The following HDAC8 variants were observed in gnomAD, a reference collection of about 807,000 sequenced individuals.
The protein encoded by HDAC8 is histone deacetylase 8.
HDAC8 carries 1 observed loss-of-function variant against 32.2 expected under a neutral mutation model. The ratio of observed to expected loss-of-function variants is 0.03; its 90% CI spans 0.01 to 0.15. The LOEUF (loss-of-function observed/expected upper bound fraction) is 0.15, where lower values mean the gene tolerates loss of function less well. Ranked by LOEUF, HDAC8 falls within the 10% of genes least tolerant of loss-of-function variation. HDAC8 has a pLI of 1.00. For synonymous variants in HDAC8, 108 were observed against 113.9 expected (o/e 0.95, Z 0.33); for missense variants, 117 against 300.0 (o/e 0.39, Z 4.51).
chrX:72,383,337 T>A (rs1406573344), intron 9 of HDAC8, among the ~76,000 whole-genome samples: 2 of 112,270 alleles, frequency 1.8e-5, no homozygotes, highest in African/African-American at 6.5e-5. Context: ...TTCATGGATT[T>A]ATGGATGATA....
intron 9 of HDAC8, among the ~76,000 whole-genome samples, chrX:72,386,624 A>G (rs1314792757): frequency 9.0e-6 from 1 of 111,612 alleles, no homozygotes; most frequent in African/African-American, 3.3e-5. Flanking sequence ...ATGTGGATCA[A>G]TTCATTAAAT....
Position 72,343,716 on chromosome X carries a change from G to A in HDAC8, c.1111+8017C>T, listed in dbSNP as rs574745679. 1.1e-3 allele frequency among the ~76,000 whole-genome samples: 121 copies of A among 111,719 alleles called. No homozygotes were observed. The South Asian group carries it at 0.02, about 19-fold the overall frequency. ...AGACAGGGTCTCACTATGTTGTCCAGGCTGGTCTCAAACTCCTGGGCTCAA... is the reference window on the plus strand; with the variant it reads ...AGACAGGGTCTCACTATGTTGTCCAAGCTGGTCTCAAACTCCTGGGCTCAA... On this transcript the variant is annotated intron_variant, in intron 10 of 10. Coordinates refer to ENST00000373573, the MANE Select transcript of HDAC8 (RefSeq NM_018486.3).
intron 9 of HDAC8, among the ~76,000 whole-genome samples, chrX:72,390,762 T>C (rs2984297): frequency 0.034 from 3,806 of 111,785 alleles, 154 homozygotes; most frequent in African/African-American, 0.12. Flanking sequence ...ATGGGAATTT[T>C]CCCAAAGACT....
At chrX:72,426,817 G>A (rs1430554479) in intron 9 of HDAC8, among the ~76,000 whole-genome samples, 1 of 110,372 alleles carries the variant, frequency 9.1e-6, no homozygotes, top group African/African-American at 3.3e-5. Flanking sequence ...TATACTTGGA[G>A]ATAGAGCCTT....
At chrX:72,552,277 C>A (rs1425119859) in intron 4 of HDAC8, among the ~76,000 whole-genome samples, 2 of 108,414 alleles carry the variant, frequency 1.8e-5, no homozygotes, top group African/African-American at 6.7e-5. Context: ...GCCTAGGCAA[C>A]ATAAGGAGAC....
chrX:72,557,369 G>A (rs1233403159), intron 4 of HDAC8, among the ~76,000 whole-genome samples: 1 of 111,490 alleles, frequency 9.0e-6, no homozygotes, highest in Non-Finnish European at 1.9e-5. Flanking sequence ...ATTATATCAA[G>A]TACTCTCTCA....
chrX:72,430,282 A>G (rs1322040667), intron 9 of HDAC8, among the ~76,000 whole-genome samples: 1 of 111,735 alleles, frequency 8.9e-6, no homozygotes, highest in Non-Finnish European at 1.9e-5. Context: ...TTTTCTCTCA[A>G]TCACCTTAGA....
At chrX:72,543,311 T>TG (rs1556045395) in intron 4 of HDAC8, among the ~76,000 whole-genome samples, 1 of 111,185 alleles carries the variant, frequency 9.0e-6, no homozygotes, top group East Asian at 2.8e-4. Context: ...CTGAGGAGTC[T>TG]GGGGAGGAGA....
At chrX:72,467,697 A>C (rs1368636343) in intron 7 of HDAC8, 2 of 306,096 alleles carry the variant, frequency 6.5e-6, no homozygotes, top group Non-Finnish European at 1.1e-5. Context: ...TGAAGGCATA[A>C]TTAGATTTCC....
At chrX:72,334,046 T>A (rs1555941560) in intron 10 of HDAC8, among the ~76,000 whole-genome samples, 4 of 112,238 alleles carry the variant, frequency 3.6e-5, no homozygotes, top group African/African-American at 1.3e-4. Flanking sequence ...ACAACAGAAA[T>A]AATTTTCACC....
chrX:72,572,613 C>T (rs370532086), intron 1 of HDAC8, 38 bp downstream of exon 1: 3 of 713,700 alleles, frequency 4.2e-6, no homozygotes, highest in African/African-American at 2.3e-5. Context: ...CCACCCCCAC[C>T]CCCAAAGCCC....
intron 7 of HDAC8, chrX:72,474,117 G>A (rs782750600): frequency 1.3e-6 from 1 of 747,427 alleles, no homozygotes; most frequent in African/African-American, 2.3e-5. Context: ...CACACACTTT[G>A]TAAAGATAGA....
intron 10 of HDAC8, among the ~76,000 whole-genome samples, chrX:72,333,310 C>T (rs1175554655): frequency 1.8e-5 from 2 of 111,933 alleles, no homozygotes; most frequent in Non-Finnish European, 3.8e-5. Flanking sequence ...CAGGTCACTG[C>T]GACAACCTCT....
chrX:72,467,874 T>C (rs1302767494), intron 7 of HDAC8: 1 of 932,439 alleles, frequency 1.1e-6, no homozygotes, highest in Non-Finnish European at 1.5e-6. Flanking sequence ...AAGAAAAGCA[T>C]ATACATATAA....
chrX:72,519,466 T>C (rs1307067527), intron 4 of HDAC8, among the ~76,000 whole-genome samples: 2 of 112,577 alleles, frequency 1.8e-5, no homozygotes, highest in African/African-American at 6.4e-5. Flanking sequence ...CCAACACTTA[T>C]TGTCTATCTT....
At chrX:72,505,068 T>A (rs1295521376) in intron 4 of HDAC8, among the ~76,000 whole-genome samples, 2 of 111,064 alleles carry the variant, frequency 1.8e-5, no homozygotes, top group African/African-American at 6.5e-5. Context: ...TTTTAAAATT[T>A]TTAAAAATTT....
chrX:72,377,240 A>G (rs1555958467), intron 9 of HDAC8: 1 of 111,994 alleles, frequency 8.9e-6, no homozygotes, highest in Non-Finnish European at 1.9e-5. Context: ...GAATTACCCA[A>G]ATCTCCTTCT....
chrX:72,475,542 T>C (rs1462130400), intron 7 of HDAC8, among the ~76,000 whole-genome samples: 1 of 111,704 alleles, frequency 9.0e-6, no homozygotes, highest in Non-Finnish European at 1.9e-5. Flanking sequence ...ATGCAGCATA[T>C]GGTAAATGCC....
In HDAC8 at chrX:72,350,467, G is replaced by T. The variant is rs1467135413; in HGVS notation, c.1111+1266C>A. 2.7e-5 allele frequency among the ~76,000 whole-genome samples: 3 copies of T among 111,159 alleles called. No homozygotes were observed. The East Asian group carries it at 8.5e-4, about 31-fold the overall frequency. On this transcript the variant is annotated intron_variant, in intron 10 of 10. Transcript: ENST00000373573. ...TCAGACTAACTCCAGCATAGAACAG[G>T]CCTCCTTTTTGTGTTGGATTATATT... is the stretch of plus-strand genomic sequence containing the variant.
Sources: gnomAD v4.1 joint callset for allele counts (sites outside exome capture counted in the v4.1 genomes callset) on GRCh38, gnomAD v4.1.1 for gene constraint, MANE v1.5 for transcripts, NCBI Gene and HGNC (gene_info 2026-07-23, HGNC 2026-07-21) for gene names.